The following SULT4A1 variants were observed in gnomAD, a reference collection of about 807,000 sequenced individuals.
SULT4A1 encodes the protein sulfotransferase 4A1.
Under a neutral mutation model 35.2 loss-of-function variants are expected in SULT4A1, and 11 were observed. The observed-to-expected ratio is 0.31, with a 90% CI of 0.20 to 0.52. The LOEUF (loss-of-function observed/expected upper bound fraction) is 0.52, where lower values mean the gene tolerates loss of function less well. Ranked by LOEUF, SULT4A1 falls within the 20% of genes least tolerant of loss-of-function variation. The pLI is 0.97. For missense variants in SULT4A1, 271 were observed against 383.7 expected (o/e 0.71, Z 2.45); for synonymous variants, 152 against 151.8 (o/e 1.00, Z -0.01).
chr22:43,848,373 C>T (rs540644816), intron 1 of SULT4A1, among the ~76,000 whole-genome samples: 2 of 152,356 alleles, frequency 1.3e-5, no homozygotes, highest in East Asian at 1.9e-4. Flanking sequence ...TGCAAGGACA[C>T]GCCACAGTCT....
intron 1 of SULT4A1, among the ~76,000 whole-genome samples, chr22:43,853,564 G>T (rs572057006): frequency 6.6e-6 from 1 of 152,212 alleles, no homozygotes; most frequent in Non-Finnish European, 1.5e-5. Context: ...CCACAGTCAG[G>T]CCTGACCAGT....
At chr22:43,854,665 G>T (rs1018363846) in intron 1 of SULT4A1, among the ~76,000 whole-genome samples, 1 of 152,068 alleles carries the variant, frequency 6.6e-6, no homozygotes, top group African/African-American at 2.4e-5. Flanking sequence ...GGGAGCCGAC[G>T]CCCTGAGCCA....
chr22:43,841,345 G>C (rs2063426804), intron 2 of SULT4A1, among the ~76,000 whole-genome samples: 1 of 152,206 alleles, frequency 6.6e-6, no homozygotes, highest in Admixed American at 6.5e-5. Flanking sequence ...TCAGGTGTGA[G>C]GCTGGAACTA....
Position 43,833,738 on chromosome 22 carries a change from C to CGGAGACA in SULT4A1, c.509-11_509-5dup, listed in dbSNP as rs1190641495. 4.5e-6 allele frequency: 7 copies of CGGAGACA among 1,564,844 alleles called. No homozygotes were observed. The highest frequency in any genetic ancestry group is 6.1e-6 in the Non-Finnish European group (7 of 1,154,184). On this transcript the variant is annotated splice_polypyrimidine_tract_variant and splice_region_variant and intron_variant, in intron 4 of 6. Transcript: ENST00000330884. ...TCAAACCAGGAGCCGTAGCCCACTGCGGAGACAGGGGACAGGGTGAGCCAC... is the reference window on the plus strand; with the variant it reads ...TCAAACCAGGAGCCGTAGCCCACTGCGGAGACAGGAGACAGGGGACAGGGTGAGCCAC...
At chr22:43,854,242 G>C (rs905585062) in intron 1 of SULT4A1, among the ~76,000 whole-genome samples, 10 of 152,222 alleles carry the variant, frequency 6.6e-5, no homozygotes, top group African/African-American at 2.4e-4. Context: ...GCACGACCAT[G>C]TGACATGGCC....
At chr22:43,837,934 A>G (rs1402885150) in intron 4 of SULT4A1, among the ~76,000 whole-genome samples, 1 of 152,236 alleles carries the variant, frequency 6.6e-6, no homozygotes, top group Non-Finnish European at 1.5e-5. Flanking sequence ...GGGAAATAAA[A>G]CAGAAAGTGT....
At chr22:43,854,130 G>A (rs2049375226) in intron 1 of SULT4A1, among the ~76,000 whole-genome samples, 2 of 152,146 alleles carry the variant, frequency 1.3e-5, no homozygotes, top group Admixed American at 6.5e-5. Context: ...ATGATGGTGC[G>A]GACAACAATG....
chr22:43,826,917 G>A, intron 6 of SULT4A1: 2 of 985,466 alleles, frequency 2.0e-6, no homozygotes, highest in Non-Finnish European at 2.4e-6. Context: ...AGGGAGGGCT[G>A]AGCTGTGGGA....
chr22:43,826,346 G>A (rs552320674), intron 6 of SULT4A1: 2 of 985,416 alleles, frequency 2.0e-6, no homozygotes, highest in Admixed American at 6.1e-5. Flanking sequence ...CTCTGAGGCT[G>A]TGGCACAGTG....
intron 1 of SULT4A1, among the ~76,000 whole-genome samples, chr22:43,848,606 C>A (rs763292385): frequency 6.6e-6 from 1 of 152,226 alleles, no homozygotes; most frequent in Admixed American, 6.5e-5. Flanking sequence ...CGCTTCCCAG[C>A]AGGGCCAGGT....
rs1281209581 is a variant in SULT4A1 at position 43,824,990 on chromosome 22, G to A, written c.*1011C>T. 1.3e-5 allele frequency: 2 copies of A among 152,250 alleles called. No homozygotes were observed. The highest frequency in any genetic ancestry group is 2.9e-5 in the Non-Finnish European group (2 of 68,052). The allele number at this position is 152,250 out of a possible 1,614,324, so 9.4% of individuals were successfully genotyped here. A position where few individuals can be genotyped will look rare whatever the true frequency, so the allele number is the denominator to read the frequency against. Reference sequence around the variant, plus strand: ...GAGGGATGAGGTGGACAGACACGCAGGCGGCCGTGCCAACCTGATCCGAGT... The same window carrying A: ...GAGGGATGAGGTGGACAGACACGCAAGCGGCCGTGCCAACCTGATCCGAGT... On this transcript the variant is annotated 3_prime_UTR_variant, in exon 7 of 7. Transcript: ENST00000330884.
chr22:43,833,613 G>A (rs772920687), intron 5 of SULT4A1, 27 bp downstream of exon 5: 49 of 1,572,836 alleles, frequency 3.1e-5, no homozygotes, highest in African/African-American at 2.3e-4. Context: ...AGGGCACCCG[G>A]AGGACAGCTG....
chr22:43,859,486 G>A lies in SULT4A1; in HGVS notation c.169+2728C>T, dbSNP rs892284567. Reference sequence around the variant, plus strand: ...CATGACTTTGGGGCTGTGCCCCCTCGGGGACGAGCACCCAATTCAAATCAA... The same window carrying A: ...CATGACTTTGGGGCTGTGCCCCCTCAGGGACGAGCACCCAATTCAAATCAA... On this transcript the variant is annotated intron_variant, in intron 1 of 6. Transcript: ENST00000330884. Among the ~76,000 whole-genome samples the A allele has an allele frequency of 5.5e-4, 84 of 152,350 alleles. 1 individual carries two copies. Among genetic ancestry groups the A allele is most frequent in the Middle Eastern group, 3.4e-3 (1 of 294 alleles).
At chr22:43,838,736 G>A in intron 4 of SULT4A1, 131 bp downstream of exon 4, 1 of 1,251,744 alleles carries the variant, frequency 8.0e-7, no homozygotes, top group Non-Finnish European at 1.1e-6. Flanking sequence ...TCTGTAAAGT[G>A]ACCGCGGGCC....
chr22:43,860,019 G>C (rs1361656837), intron 1 of SULT4A1, among the ~76,000 whole-genome samples: 1 of 152,078 alleles, frequency 6.6e-6, no homozygotes, highest in Non-Finnish European at 1.5e-5. Flanking sequence ...AGGAAGCGAA[G>C]GCAGGATCTA....
intron 1 of SULT4A1, among the ~76,000 whole-genome samples, chr22:43,859,920 C>A (rs577734144): frequency 1.4e-4 from 22 of 152,348 alleles, no homozygotes; most frequent in African/African-American, 5.3e-4. Context: ...CTGGAGAGCA[C>A]AGTCCTAACC....
At chr22:43,832,171 T>C (rs1448804801) in intron 5 of SULT4A1, among the ~76,000 whole-genome samples, 3 of 152,158 alleles carry the variant, frequency 2.0e-5, no homozygotes, top group Non-Finnish European at 4.4e-5. Context: ...TACACCTTCA[T>C]CTCTACCACA....
chr22:43,832,376 T>C (rs552635776), intron 5 of SULT4A1, among the ~76,000 whole-genome samples: 109 of 152,198 alleles, frequency 7.2e-4, no homozygotes, highest in African/African-American at 2.5e-3. Context: ...TGAGGACCCA[T>C]GTGGGGAACC....
At chr22:43,827,756 C>CACAA in intron 6 of SULT4A1, 5 of 199,668 alleles carry the variant, frequency 2.5e-5, no homozygotes, top group Non-Finnish European at 9.1e-6. Flanking sequence ...GCTGCTTCAC[C>CACAA]ACACACACAC....
Sources: gnomAD v4.1 joint callset for allele counts (sites outside exome capture counted in the v4.1 genomes callset) on GRCh38, gnomAD v4.1.1 for gene constraint, MANE v1.5 for transcripts, NCBI Gene and HGNC (gene_info 2026-07-23, HGNC 2026-07-21) for gene names.